Variants in PID1 observed in about 807,000 individuals in gnomAD.
PID1 encodes PTB-containing, cubilin and LRP1-interacting protein.
Under a neutral mutation model 19.1 loss-of-function variants are expected in PID1, and 10 were observed. The observed-to-expected ratio is 0.52, with a 90% CI of 0.32 to 0.89. The LOEUF is 0.89. Ranked by LOEUF, PID1 falls within the 40% of genes least tolerant of loss-of-function variation. The pLI is 0.03. For missense variants in PID1, 248 were observed against 285.3 expected, an observed-to-expected ratio of 0.87 and a Z score of 0.94; for synonymous variants, 130 against 116.0, an observed-to-expected ratio of 1.12 and a Z score of -0.78.
At chr2:229,154,701 C>T (rs1301858279) in intron 2 of PID1, among the ~76,000 whole-genome samples, 1 of 152,074 alleles carries the variant, frequency 6.6e-6, no homozygotes, top group South Asian at 2.1e-4. Flanking sequence ...GAGTATATCT[C>T]GAAAGCAATA....
At chr2:229,121,232 G>A (rs916944842) in intron 2 of PID1, among the ~76,000 whole-genome samples, 7 of 152,110 alleles carry the variant, frequency 4.6e-5, no homozygotes, top group African/African-American at 1.7e-4. Context: ...TTCATCTCTG[G>A]TGGGAGTACC....
At chr2:229,222,902 T>G (rs1419940) in intron 1 of PID1, among the ~76,000 whole-genome samples, 1 of 34,512 alleles carries the variant, frequency 2.9e-5, no homozygotes, top group Non-Finnish European at 6.2e-5. Context: ...CACACACACA[T>G]GTACCCTATT....
intron 1 of PID1, among the ~76,000 whole-genome samples, chr2:229,185,338 A>G (rs984492318): frequency 5.9e-5 from 9 of 151,906 alleles, no homozygotes; most frequent in African/African-American, 2.2e-4. Context: ...CTATACTCCT[A>G]TGGATGGCCA....
chr2:229,117,761 C>T (rs972049971), intron 2 of PID1, among the ~76,000 whole-genome samples: 8 of 152,068 alleles, frequency 5.3e-5, no homozygotes, highest in Non-Finnish European at 1.0e-4. Context: ...TCAAACTCTT[C>T]TCTTTACCTA....
At chr2:229,167,102 C>A (rs1249050921) in intron 1 of PID1, among the ~76,000 whole-genome samples, 1 of 151,634 alleles carries the variant, frequency 6.6e-6, no homozygotes, top group Non-Finnish European at 1.5e-5. Context: ...AGAAACTCAT[C>A]CTTACAGTAA....
intron 2 of PID1, among the ~76,000 whole-genome samples, chr2:229,030,671 T>C (rs960775577): frequency 6.6e-6 from 1 of 152,150 alleles, no homozygotes; most frequent in Admixed American, 6.6e-5. Flanking sequence ...AAAAACTTTA[T>C]TGAAAGTTGT....
At chr2:229,148,832 T>C (rs1252614951) in intron 2 of PID1, among the ~76,000 whole-genome samples, 2 of 151,742 alleles carry the variant, frequency 1.3e-5, no homozygotes. Flanking sequence ...AGAGTAAAAA[T>C]TGCAGAAAAA....
At chr2:229,216,086 C>A (rs557798070) in intron 1 of PID1, among the ~76,000 whole-genome samples, 1 of 152,276 alleles carries the variant, frequency 6.6e-6, no homozygotes, top group South Asian at 2.1e-4. Flanking sequence ...GCTTGATAGC[C>A]AGACACTCGG....
In PID1 at chr2:229,073,261, G is replaced by A. The variant is rs1484772815; in HGVS notation, c.178-47153C>T. 3.3e-5 allele frequency among the ~76,000 whole-genome samples: 5 copies of A among 152,098 alleles called. No individual in the cohort carries two copies. In the East Asian group the frequency reaches 5.8e-4, roughly 18 times the overall value. On this transcript the variant is annotated intron_variant, in intron 2 of 2. Transcript: ENST00000392055. ...AGGATGGTCTCGATCTCCTGACCTC[G>A]TGATCCGCCTGACTCGGCCTCCCAA...
At chr2:229,130,072 A>C (rs1342286102) in intron 2 of PID1, among the ~76,000 whole-genome samples, 1 of 152,224 alleles carries the variant, frequency 6.6e-6, no homozygotes, top group Non-Finnish European at 1.5e-5. Flanking sequence ...GTTCAGCTTT[A>C]TCACCAGAAT....
At chr2:229,147,899 T>TG in intron 2 of PID1, among the ~76,000 whole-genome samples, 1 of 152,290 alleles carries the variant, frequency 6.6e-6, no homozygotes, top group Non-Finnish European at 1.5e-5. Context: ...TCACAGTGTA[T>TG]GGGGCACATG....
chr2:229,131,617 A>G (rs1417450301), intron 2 of PID1, among the ~76,000 whole-genome samples: 1 of 152,230 alleles, frequency 6.6e-6, no homozygotes, highest in Non-Finnish European at 1.5e-5. Context: ...GTTTAGAAGT[A>G]TTAATAATTA....
chr2:229,246,703 C>T (rs568733910), intron 1 of PID1, among the ~76,000 whole-genome samples: 6 of 152,280 alleles, frequency 3.9e-5, no homozygotes, highest in African/African-American at 1.2e-4. Flanking sequence ...ATTATAAAAA[C>T]CTGCCTCCAA....
chr2:229,208,826 G>A (rs535646142), intron 1 of PID1, among the ~76,000 whole-genome samples: 4 of 152,334 alleles, frequency 2.6e-5, no homozygotes, highest in African/African-American at 9.6e-5. Context: ...GGAAAAGGGA[G>A]AGAAAGGGTA....
chr2:229,067,819 C>A (rs1230079578), intron 2 of PID1, among the ~76,000 whole-genome samples: 2 of 152,222 alleles, frequency 1.3e-5, no homozygotes, highest in Admixed American at 6.5e-5. Flanking sequence ...CTGCTGGGCC[C>A]CACGGTGCTC....
intron 2 of PID1, among the ~76,000 whole-genome samples, chr2:229,071,742 C>T (rs1694458370): frequency 1.3e-5 from 2 of 152,136 alleles, no homozygotes; most frequent in Non-Finnish European, 2.9e-5. Flanking sequence ...AAAAGATAAG[C>T]TTCAGCATTT....
At chr2:229,196,475 T>C (rs1030782610) in intron 1 of PID1, among the ~76,000 whole-genome samples, 1 of 152,040 alleles carries the variant, frequency 6.6e-6, no homozygotes, top group African/African-American at 2.4e-5. Flanking sequence ...TAAAAACAAT[T>C]CATTAAAACA....
In PID1 at chr2:229,177,322, T is replaced by G. The variant is rs190872620; in HGVS notation, c.31-21358A>C. Among the ~76,000 whole-genome samples, 571 of 152,288 alleles carry G rather than the reference T, an allele frequency of 3.7e-3. 1 individual carries two copies. The highest frequency in any genetic ancestry group is 0.02 in the Middle Eastern group (6 of 294). ...GGACGATTATATATAATACATGCAC[T>G]TCACAGGGCTACATAAGGATTAACT... On this transcript the variant is annotated intron_variant, in intron 1 of 2. Transcript: ENST00000392055.
intron 2 of PID1, among the ~76,000 whole-genome samples, chr2:229,146,865 A>G (rs1483215949): frequency 6.6e-6 from 1 of 152,128 alleles, no homozygotes; most frequent in Non-Finnish European, 1.5e-5. Context: ...CCCACAAGCC[A>G]AGGAATGCCT....
Sources: allele counts gnomAD v4.1 joint callset (sites outside exome capture counted in the v4.1 genomes callset), GRCh38; gene constraint gnomAD v4.1.1; transcripts MANE v1.5; gene names NCBI Gene and HGNC (gene_info 2026-07-23, HGNC 2026-07-21).